Variants in PSG2 observed in about 807,000 individuals in gnomAD.
The protein encoded by PSG2 is pregnancy specific beta-1-glycoprotein 2.
A neutral mutation model predicts 36.2 loss-of-function variants in PSG2; 49 were observed. The ratio of observed to expected loss-of-function variants is 1.35; its 90% CI spans 1.08 to 1.72. The LOEUF is 1.72. PSG2 is among the 40% of genes most tolerant of loss of function. The pLI is 0.00. For missense variants in PSG2, 605 were observed against 407.2 expected (o/e 1.49, Z -4.18); for synonymous variants, 261 against 155.6 (o/e 1.68, Z -5.04).
chr19:43,079,161 G>C (rs549409033), intron 2 of PSG2, among the ~76,000 whole-genome samples: 3 of 151,622 alleles, frequency 2.0e-5, no homozygotes, highest in African/African-American at 7.3e-5. Context: ...AATGAAGTGG[G>C]AGGAAGATGA....
chr19:43,080,394 C>T (rs1967954035), intron 2 of PSG2, among the ~76,000 whole-genome samples: 1 of 151,766 alleles, frequency 6.6e-6, no homozygotes, highest in African/African-American at 2.4e-5. Flanking sequence ...CTGGTAAATC[C>T]TTGGTCCCAG....
chr19:43,071,601 G>A lies in PSG2; in HGVS notation c.964+99C>T, dbSNP rs1332196395. 1.6e-5 allele frequency: 25 copies of A among 1,610,540 alleles called. No homozygotes were observed. In the South Asian group the frequency reaches 2.3e-4, roughly 15 times the overall value. Reference sequence around the variant, plus strand: ...ATTTGGGATTTGCTTTTGCCCATGGGACACAGGCTGGGAATAAAAATGTTT... The same window carrying A: ...ATTTGGGATTTGCTTTTGCCCATGGAACACAGGCTGGGAATAAAAATGTTT... On this transcript the variant is annotated intron_variant, in intron 4 of 5. Transcript: ENST00000406487.
chr19:43,066,699 T>G lies in PSG2; in HGVS notation c.965-99A>C, dbSNP rs10408165. 13,455 of 1,411,014 alleles carry G rather than the reference T, an allele frequency of 9.5e-3. 1,368 individuals carry two copies. The African/African-American group carries it at 0.17, about 18-fold the overall frequency. The allele number at this position is 1,411,014 out of a possible 1,614,324, so 87.4% of individuals were successfully genotyped here. A position where few individuals can be genotyped will look rare whatever the true frequency, so the allele number is the denominator to read the frequency against. On this transcript the variant is annotated intron_variant, in intron 4 of 5. Coordinates refer to ENST00000406487, the MANE Select transcript of PSG2 (RefSeq NM_031246.4). The stretch of plus-strand genomic sequence containing the variant: ...TGTAACATGAGGTACTCTATAATTG[T>G]TTCTTCAAGGACCACATTATTTCTC...
chr19:43,081,609 G>T (rs561850688), intron 1 of PSG2, among the ~76,000 whole-genome samples: 2 of 151,636 alleles, frequency 1.3e-5, no homozygotes, highest in Admixed American at 6.6e-5. Flanking sequence ...CTCCTTCAGA[G>T]ACCCTGGGTC....
chr19:43,076,430 T>G (rs57776316), intron 2 of PSG2, among the ~76,000 whole-genome samples: 1 of 151,734 alleles, frequency 6.6e-6, no homozygotes, highest in African/African-American at 2.4e-5. Flanking sequence ...TAGAAATACA[T>G]GTGGATGTTT....
At position 43,075,343 on chromosome 19, in the gene PSG2, A is replaced by G. The variant is rs192840176; in HGVS notation, c.709+11T>C. 9 of 1,613,054 alleles carry G rather than the reference A, an allele frequency of 5.6e-6. No individual in the cohort carries two copies. The highest frequency in any genetic ancestry group is 2.2e-5 in the East Asian group (1 of 44,882). Reference sequence around the variant, plus strand: ...GGCAGTCTGGCCCACAGAGGAACAGAAGATACTCACGGAGGAGATTCAGGG... The same window carrying G: ...GGCAGTCTGGCCCACAGAGGAACAGGAGATACTCACGGAGGAGATTCAGGG... On this transcript the variant is annotated intron_variant, in intron 3 of 5. Coordinates refer to ENST00000406487, the MANE Select transcript of PSG2 (RefSeq NM_031246.4).
At chr19:43,069,024 G>C (rs1177940006) in intron 4 of PSG2, among the ~76,000 whole-genome samples, 4 of 151,596 alleles carry the variant, frequency 2.6e-5, no homozygotes, top group Non-Finnish European at 5.9e-5. Flanking sequence ...TTGCACAATA[G>C]AAAATCAGCA....
chr19:43,081,398 CAAA>C, intron 1 of PSG2, 152 bp from the exon 2 acceptor site: 1 of 1,123,750 alleles, frequency 8.9e-7, no homozygotes, highest in Non-Finnish European at 1.2e-6. Context: ...CACACACACA[CAAA>C]AGGGGCATGT....
chr19:43,081,343 C>T (rs921332042), intron 1 of PSG2, 97 bp from the exon 2 acceptor site: 36 of 975,862 alleles, frequency 3.7e-5, no homozygotes, highest in African/African-American at 1.9e-5. Context: ...CAATCCTCAG[C>T]CTTGAAGACA....
Position 43,073,596 on chromosome 19 carries a change from G to A in PSG2, c.710-1642C>T, listed in dbSNP as rs918714899. On this transcript the variant is annotated intron_variant, in intron 3 of 5. Transcript: ENST00000406487. ...GAACAATCTACTCTGTGATTCCCTG[G>A]GTTCGACTACTCTAGGGACCTCATG... is the stretch of plus-strand genomic sequence containing the variant. 8.6e-5 allele frequency among the ~76,000 whole-genome samples: 13 copies of A among 151,734 alleles called. No homozygotes were observed. In the East Asian group the frequency reaches 2.1e-3, roughly 25 times the overall value.
intron 1 of PSG2, 152 bp from the exon 2 acceptor site, chr19:43,081,398 C>CAA: frequency 8.9e-7 from 1 of 1,123,760 alleles, no homozygotes; most frequent in South Asian, 1.7e-5. Flanking sequence ...CACACACACA[C>CAA]AAAAGGGGCA....
chr19:43,069,617 T>C (rs1416293231), intron 4 of PSG2, among the ~76,000 whole-genome samples: 1 of 151,672 alleles, frequency 6.6e-6, no homozygotes, highest in Admixed American at 6.6e-5. Flanking sequence ...GGGACAGTGT[T>C]CTCACCAAAT....
At chr19:43,071,484 TTCTC>T (rs1300317711) in intron 4 of PSG2, among the ~76,000 whole-genome samples, 3 of 151,606 alleles carry the variant, frequency 2.0e-5, no homozygotes, top group Non-Finnish European at 2.9e-5. Context: ...CTCCCTACCT[TTCTC>T]AGGCGAGACA....
Position 43,075,357 on chromosome 19 carries a change from G to C in PSG2, c.706C>G (p.Leu236Val), listed in dbSNP as rs80111798. The change falls in exon 3 of 6, where the codon CTC (leucine) becomes GTC (valine). Residue 236 changes from leucine (L) to valine (V), a missense_variant. By Grantham distance (32) the Leu-to-Val change is conservative. Transcript: ENST00000406487. ...SRSDPVTLNL[L>V]HGPDLPRIHP... ...CAGAGGAACAGAAGATACTCACGGA[G>C]GAGATTCAGGGTGACTGGGTCACTG... 1.5e-5 allele frequency: 25 copies of C among 1,613,044 alleles called. No homozygotes were observed. Among genetic ancestry groups the C allele is most frequent in the Non-Finnish European group, 8.5e-7 (1 of 1,179,624 alleles).
In PSG2 at chr19:43,068,285, ACC is replaced by A. The variant is rs1967768861; in HGVS notation, c.965-1687_965-1686del. Among the ~76,000 whole-genome samples, 10 of 151,220 alleles carry A rather than the reference ACC, an allele frequency of 6.6e-5. No homozygotes were observed. In the South Asian group the frequency reaches 1.9e-3, roughly 28 times the overall value. On this transcript the variant is annotated intron_variant, in intron 4 of 5. Coordinates refer to ENST00000406487, the MANE Select transcript of PSG2 (RefSeq NM_031246.4). Reference sequence around the variant, plus strand: ...CGCTGTGTGTACAAAAAAATAAAAAACCAATTAGCTGGGCATGTTGACATGCA... The same window carrying A: ...CGCTGTGTGTACAAAAAAATAAAAAAAATTAGCTGGGCATGTTGACATGCA...
intron 1 of PSG2, chr19:43,082,120 C>CT (rs1967986546): frequency 1.4e-4 from 13 of 90,846 alleles, no homozygotes; most frequent in Non-Finnish European, 2.4e-4. Context: ...TCTTTCTTCT[C>CT]TCTTTTTTTT....
chr19:43,076,251 C>G (rs1356384896), intron 2 of PSG2, among the ~76,000 whole-genome samples: 1 of 151,588 alleles, frequency 6.6e-6, no homozygotes, highest in African/African-American at 2.4e-5. Context: ...TAGTGAGTGA[C>G]TTGAGCCAGT....
At chr19:43,080,672 A>T (rs1967958395) in intron 2 of PSG2, among the ~76,000 whole-genome samples, 2 of 151,446 alleles carry the variant, frequency 1.3e-5, no homozygotes, top group South Asian at 4.2e-4. Context: ...CTCTGCAGCG[A>T]GTGTCTGCAG....
chr19:43,080,493 T>G (rs1967955843), intron 2 of PSG2, among the ~76,000 whole-genome samples: 1 of 151,582 alleles, frequency 6.6e-6, no homozygotes, highest in Non-Finnish European at 1.5e-5. Context: ...GGTTTGGAGG[T>G]TGAGGTTTCT....
Sources: gnomAD v4.1 joint callset for allele counts (sites outside exome capture counted in the v4.1 genomes callset) on GRCh38, gnomAD v4.1.1 for gene constraint, MANE v1.5 for transcripts, NCBI Gene and HGNC (gene_info 2026-07-23, HGNC 2026-07-21) for gene names.